Variants in ADAMTS18 observed in about 807,000 individuals in gnomAD.
ADAMTS18 encodes ADAM metallopeptidase with thrombospondin type 1 motif 18.
ADAMTS18 carries 157 observed loss-of-function variants against 165.9 expected under a neutral mutation model. That is an observed-to-expected ratio of 0.95 (90% confidence interval 0.83 to 1.08). The LOEUF is 1.08. Ranked by LOEUF, ADAMTS18 falls within the 50% of genes least tolerant of loss-of-function variation. ADAMTS18 has a pLI of 0.00. For synonymous variants in ADAMTS18, 782 were observed against 578.2 expected (o/e 1.35, Z -5.06); for missense variants, 2,040 against 1,534.0 (o/e 1.33, Z -5.51).
At chr16:77,365,388 C>G (rs1311340956) in intron 4 of ADAMTS18, among the ~76,000 whole-genome samples, 1 of 152,112 alleles carries the variant, frequency 6.6e-6, no homozygotes, top group Non-Finnish European at 1.5e-5. Context: ...GTAAACAGCT[C>G]TAAAATAGTG....
intron 3 of ADAMTS18, among the ~76,000 whole-genome samples, chr16:77,378,278 T>C (rs573447581): frequency 2.1e-4 from 32 of 151,926 alleles, no homozygotes; most frequent in African/African-American, 6.8e-4. Context: ...TGAGCTGTGA[T>C]TGCACCAATG....
chr16:77,411,936 C>T (rs1054934948), intron 3 of ADAMTS18, among the ~76,000 whole-genome samples: 1 of 151,802 alleles, frequency 6.6e-6, no homozygotes, highest in Non-Finnish European at 1.5e-5. Context: ...TTTCACCTGC[C>T]TTAGCCTCCC....
intron 3 of ADAMTS18, among the ~76,000 whole-genome samples, chr16:77,378,340 CAAAAA>C (rs1396279956): frequency 7.3e-5 from 5 of 68,476 alleles, no homozygotes; most frequent in African/African-American, 3.6e-4. Context: ...AAAACAAAAA[CAAAAA>C]AAAACAAAAA....
chr16:77,305,703 T>A (rs960191446), intron 16 of ADAMTS18, among the ~76,000 whole-genome samples: 1 of 152,188 alleles, frequency 6.6e-6, no homozygotes, highest in African/African-American at 2.4e-5. Context: ...GCCCCCAATT[T>A]GGTGGCCTTG....
chr16:77,293,334 T>A, intron 19 of ADAMTS18, 76 bp from the exon 20 acceptor site: 1 of 1,193,386 alleles, frequency 8.4e-7, no homozygotes, highest in Non-Finnish European at 1.2e-6. Flanking sequence ...AACAACACAC[T>A]AAATATATTC....
intron 16 of ADAMTS18, among the ~76,000 whole-genome samples, chr16:77,306,627 G>T (rs2055686791): frequency 6.6e-6 from 1 of 151,902 alleles, no homozygotes; most frequent in Admixed American, 6.6e-5. Flanking sequence ...TTAAAGACTA[G>T]CTTTTTATTT....
chr16:77,287,087 G>C (rs953068674), intron 22 of ADAMTS18, among the ~76,000 whole-genome samples: 1 of 152,124 alleles, frequency 6.6e-6, no homozygotes, highest in South Asian at 2.1e-4. Flanking sequence ...GTCTTCTCTA[G>C]GGTCTAGTTT....
At position 77,354,697 on chromosome 16, in the gene ADAMTS18, T is replaced by C. The variant is rs562563792; in HGVS notation, c.1461-811A>G. ...GAGTGACAATGACTCTCATAAAGGT[T>C]GTTACACAGTTCAAATGAGAAAATA... On this transcript the variant is annotated intron_variant, in intron 9 of 22. Coordinates refer to ENST00000282849, the MANE Select transcript of ADAMTS18 (RefSeq NM_199355.4). 6.8e-4 allele frequency among the ~76,000 whole-genome samples: 104 copies of C among 152,322 alleles called. 1 individual carries two copies. The highest frequency in any genetic ancestry group is 2.4e-3 in the African/African-American group (98 of 41,568).
intron 3 of ADAMTS18, among the ~76,000 whole-genome samples, chr16:77,370,606 C>T (rs1383624669): frequency 4.6e-5 from 7 of 151,830 alleles, no homozygotes; most frequent in African/African-American, 1.5e-4. Flanking sequence ...AAAAATTAGC[C>T]GGGCATGATG....
intron 16 of ADAMTS18, among the ~76,000 whole-genome samples, chr16:77,308,732 T>G (rs139185996): frequency 6.6e-6 from 1 of 152,182 alleles, no homozygotes; most frequent in Admixed American, 6.5e-5. Flanking sequence ...TGGAAAAACA[T>G]TGTTTTCAGG....
chr16:77,322,271 C>T (rs990027339), intron 14 of ADAMTS18, 65 bp downstream of exon 14: 15 of 1,588,000 alleles, frequency 9.4e-6, no homozygotes, highest in Middle Eastern at 1.7e-4. Flanking sequence ...CCACTGTTCA[C>T]GGTACACACG....
intron 11 of ADAMTS18, among the ~76,000 whole-genome samples, chr16:77,340,835 T>G (rs894606490): frequency 6.6e-6 from 1 of 152,172 alleles, no homozygotes; most frequent in Non-Finnish European, 1.5e-5. Flanking sequence ...CCCAAAGTGT[T>G]GGGATTACAG....
chr16:77,290,646 A>G, intron 21 of ADAMTS18: 1 of 161,992 alleles, frequency 6.2e-6, no homozygotes, highest in South Asian at 1.7e-4. Flanking sequence ...CTGTGCAGCA[A>G]CATCTGCTGG....
chr16:77,361,382 T>C (rs541484544), intron 7 of ADAMTS18, among the ~76,000 whole-genome samples: 2 of 152,326 alleles, frequency 1.3e-5, no homozygotes, highest in Admixed American at 6.5e-5. Context: ...TATCACTGTC[T>C]TGTACAAATA....
At chr16:77,372,145 A>G (rs1376666221) in intron 3 of ADAMTS18, among the ~76,000 whole-genome samples, 1 of 152,220 alleles carries the variant, frequency 6.6e-6, no homozygotes, top group Non-Finnish European at 1.5e-5. Context: ...TGGAGAAATG[A>G]GAACTGCTAC....
chr16:77,400,535 G>T (rs532725373), intron 3 of ADAMTS18, among the ~76,000 whole-genome samples: 1 of 149,634 alleles, frequency 6.7e-6, no homozygotes, highest in East Asian at 2.0e-4. Context: ...AGGCTGGAGC[G>T]CAGTGGTGCA....
intron 3 of ADAMTS18, among the ~76,000 whole-genome samples, chr16:77,388,494 G>A (rs2057140602): frequency 6.6e-6 from 1 of 152,198 alleles, no homozygotes; most frequent in Admixed American, 6.5e-5. Context: ...GGAACCAAAT[G>A]TGTGGGTTCA....
chr16:77,290,890 G>C (rs189509400), intron 21 of ADAMTS18: 163 of 344,776 alleles, frequency 4.7e-4, no homozygotes, highest in African/African-American at 3.1e-3. Flanking sequence ...GAAACATGAT[G>C]TAAGAACCAA....
rs556394050 is a variant in ADAMTS18 at position 77,350,061 on chromosome 16, G to A, written c.1614+3672C>T. 7.9e-5 allele frequency among the ~76,000 whole-genome samples: 12 copies of A among 152,266 alleles called. No homozygotes were observed. In the South Asian group the frequency reaches 1.0e-3, roughly 13 times the overall value. Reference sequence around the variant, plus strand: ...GAAGTCTCGATCAGTCTGTGACAGCGCTTGGGACCCTCTGACAAACAGCAT... The same window carrying A: ...GAAGTCTCGATCAGTCTGTGACAGCACTTGGGACCCTCTGACAAACAGCAT... On this transcript the variant is annotated intron_variant, in intron 10 of 22. Coordinates refer to ENST00000282849, the MANE Select transcript of ADAMTS18 (RefSeq NM_199355.4).
Sources: allele counts gnomAD v4.1 joint callset (sites outside exome capture counted in the v4.1 genomes callset), GRCh38; gene constraint gnomAD v4.1.1; transcripts MANE v1.5; gene names NCBI Gene and HGNC (gene_info 2026-07-23, HGNC 2026-07-21).